The following TBXAS1 variants were observed in gnomAD, a reference collection of about 807,000 sequenced individuals.
TBXAS1 encodes thromboxane-A synthase.
Under a neutral mutation model 60.7 loss-of-function variants are expected in TBXAS1, and 48 were observed. That is an observed-to-expected ratio of 0.79 (90% CI 0.63 to 1.01). The LOEUF (loss-of-function observed/expected upper bound fraction) is 1.01, where lower values mean the gene tolerates loss of function less well. TBXAS1 is among the 50% of genes least tolerant of loss of function. The pLI is 0.00. For synonymous variants in TBXAS1, 287 were observed against 269.7 expected (o/e 1.06, Z -0.63); for missense variants, 685 against 686.3 (o/e 1.00, Z 0.02).
At chr7:139,842,457 A>T (rs756203481) in intron 1 of TBXAS1, among the ~76,000 whole-genome samples, 1 of 152,180 alleles carries the variant, frequency 6.6e-6, no homozygotes, top group Non-Finnish European at 1.5e-5. Flanking sequence ...TTGCCACTGA[A>T]GGGAAGTACG....
chr7:139,833,450 G>A (rs1274763256), intron 1 of TBXAS1, among the ~76,000 whole-genome samples: 1 of 143,280 alleles, frequency 7.0e-6, no homozygotes, highest in East Asian at 2.1e-4. Context: ...TGGATCACAA[G>A]GTCAGGAGTT....
intron 3 of TBXAS1, among the ~76,000 whole-genome samples, chr7:139,892,544 G>T (rs1780825593): frequency 6.6e-6 from 1 of 152,184 alleles, no homozygotes; most frequent in African/African-American, 2.4e-5. Flanking sequence ...AGTGAGCTGA[G>T]ATCATGCCAC....
rs6138 is a variant in TBXAS1, at chr7:139,872,324, G to T, written c.179G>T (p.Arg60Leu). 2 of 1,613,334 alleles carry T rather than the reference G, an allele frequency of 1.2e-6. No homozygotes were observed. The highest frequency in any genetic ancestry group is 3.3e-5 in the Admixed American group (2 of 59,982). Residue 60 changes from arginine to leucine, a missense_variant, in exon 2 of 13, where the codon CGC becomes CTC. Coordinates refer to ENST00000448866, the MANE Select transcript of TBXAS1 (RefSeq NM_001061.7). Reference protein sequence around the residue: ...SPFIGNLTFFRQGFWESQMEL... With the variant: ...SPFIGNLTFFLQGFWESQMEL... ...TTCATTGGAAACTTGACATTTTTCC[G>T]CCAGGTAAGGGCTGTCTTCCATTGG...
chr7:139,797,599 T>G (rs1797605999), intron 4 of TBXAS1: 1 of 152,234 alleles, frequency 6.6e-6, no homozygotes, highest in Non-Finnish European at 1.5e-5. Context: ...GATGGCCTAT[T>G]CTGCCAACAT....
At chr7:139,996,786 G>A (rs1030860208) in intron 9 of TBXAS1, among the ~76,000 whole-genome samples, 1 of 152,188 alleles carries the variant, frequency 6.6e-6, no homozygotes, top group African/African-American at 2.4e-5. Context: ...AATCCAGACC[G>A]ATTAAGTGGA....
upstream of TBXAS1, among the ~76,000 whole-genome samples, chr7:139,827,593 T>C (rs1000320291): frequency 1.3e-5 from 2 of 152,236 alleles, no homozygotes; most frequent in Non-Finnish European, 2.9e-5. Context: ...ATTTATGCTT[T>C]AAAGAGGTTC....
intron 9 of TBXAS1, 79 bp from the exon 10 acceptor site, chr7:140,007,012 T>C (rs1322979557): frequency 7.2e-7 from 1 of 1,385,238 alleles, no homozygotes; most frequent in African/African-American, 1.4e-5. Context: ...GAAACGAGAT[T>C]GAAATTTAAG....
At chr7:139,902,507 TC>T (rs1481308965) in intron 3 of TBXAS1, among the ~76,000 whole-genome samples, 2 of 152,186 alleles carry the variant, frequency 1.3e-5, no homozygotes, top group Non-Finnish European at 2.9e-5. Context: ...TGTTTACCCA[TC>T]TACCCAATGA....
intron 5 of TBXAS1, among the ~76,000 whole-genome samples, chr7:139,940,072 G>T (rs1358117705): frequency 6.6e-6 from 1 of 152,224 alleles, no homozygotes; most frequent in African/African-American, 2.4e-5. Flanking sequence ...GAACAAGGAA[G>T]TAGTTGCTTG....
intron 3 of TBXAS1, among the ~76,000 whole-genome samples, chr7:139,897,026 G>A (rs530913892): frequency 6.6e-6 from 1 of 152,252 alleles, no homozygotes; most frequent in African/African-American, 2.4e-5. Context: ...AAGCCAGTTG[G>A]CATTAGACGT....
intron 1 of TBXAS1, among the ~76,000 whole-genome samples, chr7:139,836,587 G>A (rs1346768745): frequency 1.3e-5 from 2 of 152,124 alleles, no homozygotes; most frequent in Non-Finnish European, 2.9e-5. Flanking sequence ...ATCAACAAAT[G>A]GTACTGGGAT....
intron 4 of TBXAS1, among the ~76,000 whole-genome samples, chr7:139,934,568 C>A (rs758494933): frequency 6.6e-6 from 1 of 152,202 alleles, no homozygotes; most frequent in African/African-American, 2.4e-5. Flanking sequence ...ACCAACCAAC[C>A]ATAGGCTGGG....
At position 139,778,696 on chromosome 7, in the gene TBXAS1, C is replaced by T. The variant is rs1231628359; in HGVS notation, c.-318+225C>T. Among the ~76,000 whole-genome samples the T allele has an allele frequency of 6.6e-6, 1 of 152,116 alleles. No homozygotes were observed. The highest frequency in any genetic ancestry group is 1.5e-5 in the Non-Finnish European group (1 of 68,010). ...CTCGCGTCTACACTGTCCCGAGGGCCGCCACTCCATCACTTGAATGGGAGC... is the reference window on the plus strand; with the variant it reads ...CTCGCGTCTACACTGTCCCGAGGGCTGCCACTCCATCACTTGAATGGGAGC... On this transcript the variant is annotated intron_variant, in intron 1 of 16. Coordinates refer to the TBXAS1 transcript ENST00000336425. The surrounding 1 kb of genome is among the most constrained non-coding windows in gnomAD (Gnocchi z 4.8).
intron 4 of TBXAS1, among the ~76,000 whole-genome samples, chr7:139,799,766 T>C (rs1337492818): frequency 6.6e-6 from 1 of 152,214 alleles, no homozygotes; most frequent in East Asian, 1.9e-4. Context: ...ACTTGACTCC[T>C]TCTATTTTAG....
intron 4 of TBXAS1, among the ~76,000 whole-genome samples, chr7:139,805,364 A>C (rs918363076): frequency 4.6e-5 from 7 of 152,232 alleles, no homozygotes. Context: ...TCATGGTCTT[A>C]ACTTTTATGT....
intron 2 of TBXAS1, among the ~76,000 whole-genome samples, chr7:139,872,547 G>A (rs1322000055): frequency 6.6e-6 from 1 of 152,190 alleles, no homozygotes; most frequent in African/African-American, 2.4e-5. Context: ...CCAGCTACTT[G>A]GGAGGCTGAG....
chr7:139,817,447 C>G (rs1798179560), intron 4 of TBXAS1, among the ~76,000 whole-genome samples: 1 of 152,182 alleles, frequency 6.6e-6, no homozygotes, highest in African/African-American at 2.4e-5. Context: ...ACCACTTCAA[C>G]CTTATCTCTC....
In TBXAS1 at chr7:139,786,592, CTA is replaced by C. The variant is rs529691244; in HGVS notation, c.-168-744_-168-743del. ...TCATATAATCCTGAAGCTTTTCACT[CTA>C]TGTGGAAGACACACGTGGTTGCCTG... On this transcript the variant is annotated intron_variant, in intron 3 of 16. Coordinates refer to the TBXAS1 transcript ENST00000336425. Among the ~76,000 whole-genome samples, 344 of 152,140 alleles carry C rather than the reference CTA, an allele frequency of 2.3e-3. 1 individual carries two copies. Among genetic ancestry groups the C allele is most frequent in the African/African-American group, 7.9e-3 (326 of 41,520 alleles).
At chr7:139,978,596 G>T (rs1184135382) in intron 9 of TBXAS1, among the ~76,000 whole-genome samples, 1 of 151,948 alleles carries the variant, frequency 6.6e-6, no homozygotes, top group African/African-American at 2.4e-5. Flanking sequence ...GGTGCTCTTG[G>T]TGTTATTCCA....
Sources: gnomAD v4.1 joint callset for allele counts (sites outside exome capture counted in the v4.1 genomes callset) on GRCh38, gnomAD v4.1.1 for gene constraint, Gnocchi (gnomAD v3.1) non-coding constraint, MANE v1.5 for transcripts, NCBI Gene and HGNC (gene_info 2026-07-23, HGNC 2026-07-21) for gene names.